The following AHRR variants were observed in gnomAD, a reference collection of about 807,000 sequenced individuals.
AHRR encodes aryl hydrocarbon receptor repressor.
Under a neutral mutation model 44.0 loss-of-function variants are expected in AHRR, and 28 were observed. That is an observed-to-expected ratio of 0.64 (90% CI 0.47 to 0.87). The LOEUF (loss-of-function observed/expected upper bound fraction) is 0.87. Among genes scored for constraint, AHRR ranks in the 40% least tolerant of loss-of-function variants. The pLI, the probability that AHRR is intolerant of heterozygous loss-of-function variation, is 0.00. For missense variants in AHRR, 990 were observed against 953.9 expected, an observed-to-expected ratio of 1.04 and a Z score of -0.50; for synonymous variants, 434 against 407.0, an observed-to-expected ratio of 1.07 and a Z score of -0.80.
At chr5:403,862 A>C in intron 4 of AHRR, 1 of 1,587,496 alleles carries the variant, frequency 6.3e-7, no homozygotes, top group Non-Finnish European at 8.6e-7. Context: ...ACCCACATTA[A>C]AGCTTTTCCT....
chr5:328,750 A>G (rs1210145748), intron 1 of AHRR, among the ~76,000 whole-genome samples: 3 of 151,978 alleles, frequency 2.0e-5, no homozygotes, highest in Non-Finnish European at 2.9e-5. Flanking sequence ...TGTTGTTGCC[A>G]TCGTTCAATT....
At position 370,367 on chromosome 5, in the gene AHRR, C is replaced by T. The variant is rs1173652837; in HGVS notation, c.245-6243C>T. 1.3e-5 allele frequency among the ~76,000 whole-genome samples: 2 copies of T among 152,202 alleles called. No homozygotes were observed. ...AGGCAATTCTGGGGCGAGCAGGCGTCGGGGAAGGGTTGGATGGGCGTCCCA... is the reference window on the plus strand; with the variant it reads ...AGGCAATTCTGGGGCGAGCAGGCGTTGGGGAAGGGTTGGATGGGCGTCCCA... On this transcript the variant is annotated intron_variant, in intron 3 of 10. Coordinates refer to ENST00000684583, the MANE Select transcript of AHRR (RefSeq NM_001377236.1). The surrounding 1 kb of genome is among the most constrained non-coding windows in gnomAD (Gnocchi z 4.5).
chr5:344,423 A>G (rs145385837), intron 2 of AHRR, among the ~76,000 whole-genome samples: 1,755 of 17,930 alleles, frequency 0.098, 32 homozygotes, highest in African/African-American at 0.15. Context: ...TGTGTGCGGT[A>G]TGTGTGAGGC....
At chr5:327,064 C>T (rs1353639200) in intron 1 of AHRR, among the ~76,000 whole-genome samples, 1 of 152,120 alleles carries the variant, frequency 6.6e-6, no homozygotes, top group Non-Finnish European at 1.5e-5. Context: ...GTCTCAACAA[C>T]AACGGCAACA....
At chr5:373,715 G>A (rs1452965517) in intron 3 of AHRR, among the ~76,000 whole-genome samples, 1 of 151,382 alleles carries the variant, frequency 6.6e-6, no homozygotes, top group African/African-American at 2.4e-5. Context: ...AGGGCGGGGG[G>A]ACCTGGGGAG....
rs1251530587 is a variant in AHRR at position 434,924 on chromosome 5, C to G, written c.*90C>G. ...GCCCTGCTCCTGGTCAGGCCGGAGC[C>G]CGTCCTAAGACACACGCTTTGCAGA... On this transcript the variant is annotated 3_prime_UTR_variant, in exon 11 of 11. Transcript: ENST00000684583. 1.4e-6 allele frequency: 2 copies of G among 1,462,814 alleles called. No homozygotes were observed. The highest frequency in any genetic ancestry group is 2.8e-5 in the African/African-American group (2 of 71,360). 90.6% of individuals were successfully genotyped at this position (1,462,814 alleles called of 1,614,324 possible). A position where few individuals can be genotyped will look rare whatever the true frequency, so the allele number is the denominator to read the frequency against.
intron 3 of AHRR, among the ~76,000 whole-genome samples, chr5:375,488 T>C (rs1743749602): frequency 6.6e-6 from 1 of 152,214 alleles, no homozygotes; most frequent in Non-Finnish European, 1.5e-5. Context: ...CCGCCTGGGC[T>C]GTGCCACGCC....
intron 3 of AHRR, among the ~76,000 whole-genome samples, chr5:360,330 G>A (rs1743133464): frequency 6.6e-6 from 1 of 152,258 alleles, no homozygotes; most frequent in Non-Finnish European, 1.5e-5. Context: ...TTTAGCTCCA[G>A]AAATGTGGGA....
chr5:420,300 T>G (rs1328574575), intron 5 of AHRR, among the ~76,000 whole-genome samples: 1 of 152,196 alleles, frequency 6.6e-6, no homozygotes, highest in Non-Finnish European at 1.5e-5. Flanking sequence ...CAGCATTCCT[T>G]ACTAGCCCCT....
chr5:322,020 G>C (rs1404990157), intron 1 of AHRR, among the ~76,000 whole-genome samples: 2 of 152,050 alleles, frequency 1.3e-5, no homozygotes, highest in East Asian at 1.9e-4. Context: ...CTTAAAACTC[G>C]GACCTCGGAG....
chr5:431,298 G>T (rs988516517), intron 8 of AHRR, among the ~76,000 whole-genome samples: 1 of 152,224 alleles, frequency 6.6e-6, no homozygotes, highest in Admixed American at 6.5e-5. Context: ...TGAGGGTGGG[G>T]TGGAGCCCAA....
Position 422,837 on chromosome 5 carries a change from C to A in AHRR, c.550C>A (p.Gln184Lys), listed in dbSNP as rs1370822716. ...GGACCCTCCCCAGGTGGTGTTTGGGCAGCCCCCGCCCTTGGAGACAGGTGG... is the reference window on the plus strand; with the variant it reads ...GGACCCTCCCCAGGTGGTGTTTGGGAAGCCCCCGCCCTTGGAGACAGGTGG... ...AMDPPQVVFG[Q>K]PPPLETGDDA... is the part of the protein sequence containing the mutation. Residue 184 changes from glutamine (Q) to lysine (K), a missense_variant, in exon 6 of 11, where the codon CAG becomes AAG. Coordinates refer to ENST00000684583, the MANE Select transcript of AHRR (RefSeq NM_001377236.1). 3 of 1,613,082 alleles carry A rather than the reference C, an allele frequency of 1.9e-6. No individual in the cohort carries two copies. The South Asian group carries it at 3.3e-5, about 18-fold the overall frequency.
At position 434,728 on chromosome 5, in the gene AHRR, C is replaced by T. The variant is rs1431747783; in HGVS notation, c.1988C>T (p.Pro663Leu). ...PVVKREPLDS[P>L]QWATHSQGMV... is the part of the protein sequence containing the mutation. ...GTCAAGCGGGAGCCCTTGGACTCAC[C>T]CCAGTGGGCTACTCACAGCCAGGGA... Residue 663 changes from proline (P) to leucine (L), a missense_variant, in exon 11 of 11, where the codon CCC becomes CTC. Transcript: ENST00000684583. The T allele has an allele frequency of 2.5e-6, 4 of 1,571,542 alleles. No homozygotes were observed. The African/African-American group carries it at 4.0e-5, about 16-fold the overall frequency.
rs541967133 is a variant in AHRR at position 342,706 on chromosome 5, G to A, written c.-10-1187G>A. 6.6e-6 allele frequency among the ~76,000 whole-genome samples: 1 copy of A among 152,204 alleles called. No homozygotes were observed. The highest frequency in any genetic ancestry group is 2.4e-5 in the African/African-American group (1 of 41,446). On this transcript the variant is annotated intron_variant, in intron 1 of 10. Coordinates refer to ENST00000684583, the MANE Select transcript of AHRR (RefSeq NM_001377236.1). The surrounding 1 kb of genome is among the most constrained non-coding windows in gnomAD (Gnocchi z 4.3). ...AGGCTTCTGGCCCAGAGCCTGGCAC[G>A]GGATGGTTACTGCACACAGGTCTGC...
chr5:433,089 C>CT lies in AHRR; in HGVS notation c.1112+144dup. On this transcript the variant is annotated intron_variant, in intron 10 of 10. Coordinates refer to ENST00000684583, the MANE Select transcript of AHRR (RefSeq NM_001377236.1). ...GGCCACCACACGAGCCACAGCTAACCTTACTCTCTGTGGAGCTGTCCACAC... is the reference window on the plus strand; with the variant it reads ...GGCCACCACACGAGCCACAGCTAACCTTTACTCTCTGTGGAGCTGTCCACAC... 4 of 1,086,056 alleles carry CT rather than the reference C, an allele frequency of 3.7e-6. No individual in the cohort carries two copies. In the South Asian group the frequency reaches 6.8e-5, roughly 19 times the overall value. The allele number at this position is 1,086,056 out of a possible 1,614,324, so 67.3% of individuals were successfully genotyped here.
At chr5:343,335 C>T (rs894739066) in intron 1 of AHRR, among the ~76,000 whole-genome samples, 15 of 144,198 alleles carry the variant, frequency 1.0e-4, no homozygotes, top group African/African-American at 3.7e-4. Flanking sequence ...GTGACAGGAA[C>T]GTGGGACCCC....
At chr5:432,420 G>A in intron 8 of AHRR, 43 bp from the exon 9 acceptor site, 1 of 1,584,198 alleles carries the variant, frequency 6.3e-7, no homozygotes, top group African/African-American at 1.3e-5. Flanking sequence ...ATGTCATCTT[G>A]TTCATCCGTC....
chr5:434,870 C>G lies in AHRR; in HGVS notation c.*36C>G. On this transcript the variant is annotated 3_prime_UTR_variant, in exon 11 of 11. Coordinates refer to ENST00000684583, the MANE Select transcript of AHRR (RefSeq NM_001377236.1). The stretch of plus-strand genomic sequence containing the variant: ...ACCATCCAAGCTCAGATCTGTGTGT[C>G]TACGCTCAGATGCGTCGGTGGCTGG... 1 of 1,510,968 alleles carries G rather than the reference C, an allele frequency of 6.6e-7. No homozygotes were observed. Among genetic ancestry groups the G allele is most frequent in the Non-Finnish European group, 8.9e-7 (1 of 1,123,156 alleles). The allele number at this position is 1,510,968 out of a possible 1,614,324, so 93.6% of individuals were successfully genotyped here.
At position 436,596 on chromosome 5, in the gene AHRR, C is replaced by T. The variant is rs138474390; in HGVS notation, c.*1762C>T. On this transcript the variant is annotated 3_prime_UTR_variant, in exon 11 of 11. Transcript: ENST00000684583. The stretch of plus-strand genomic sequence containing the variant: ...GCCCAGAGTCACAGATCCATCGTGG[C>T]CCCCTATGACCCCCAAGCCCTACCG... 0.012 allele frequency: 1,779 copies of T among 152,562 alleles called. 21 individuals carry two copies. The highest frequency in any genetic ancestry group is 0.027 in the Middle Eastern group (8 of 294). 9.5% of individuals were successfully genotyped at this position (152,562 alleles called of 1,614,324 possible).
Sources: gnomAD v4.1 joint callset for allele counts (sites outside exome capture counted in the v4.1 genomes callset) on GRCh38, gnomAD v4.1.1 for gene constraint, Gnocchi (gnomAD v3.1) non-coding constraint, MANE v1.5 for transcripts, NCBI Gene and HGNC (gene_info 2026-07-23, HGNC 2026-07-21) for gene names.